Variants in DYM observed in about 807,000 individuals in gnomAD.
DYM encodes dyggve-Melchior-Clausen syndrome protein.
In DYM, 78 loss-of-function variants were observed where a neutral mutation model predicts 93.1. The ratio of observed to expected loss-of-function variants is 0.84; its 90% CI spans 0.70 to 1.01. The LOEUF is 1.01. Ranked by LOEUF, DYM falls within the 50% of genes least tolerant of loss-of-function variation. The pLI is 0.00. For missense variants in DYM, 789 were observed against 845.0 expected (o/e 0.93, Z 0.82); for synonymous variants, 321 against 319.7 (o/e 1.00, Z -0.04).
chr18:49,179,861 G>A (rs916259994), intron 14 of DYM, among the ~76,000 whole-genome samples: 5 of 151,786 alleles, frequency 3.3e-5, no homozygotes, highest in Non-Finnish European at 7.4e-5. Flanking sequence ...TTCCACTTAA[G>A]GCAAAAAAAG....
At chr18:49,340,824 T>C (rs2064057560) in intron 6 of DYM, among the ~76,000 whole-genome samples, 1 of 152,136 alleles carries the variant, frequency 6.6e-6, no homozygotes, top group Admixed American at 6.5e-5. Context: ...TTTAATAAAA[T>C]AAAACTACTA....
chr18:49,393,346 G>C (rs2069628563), intron 2 of DYM, among the ~76,000 whole-genome samples: 1 of 152,162 alleles, frequency 6.6e-6, no homozygotes, highest in Admixed American at 6.5e-5. Flanking sequence ...TGAAGAGATA[G>C]TTGTACACTC....
Position 49,227,411 on chromosome 18 carries a change from T to G in DYM, c.1461-17696A>C, listed in dbSNP as rs2093570470. Among the ~76,000 whole-genome samples, 4 of 152,172 alleles carry G rather than the reference T, an allele frequency of 2.6e-5. No individual in the cohort carries two copies. The South Asian group carries it at 8.3e-4, about 31-fold the overall frequency. Reference sequence around the variant, plus strand: ...AATACACACAAGATAAAATGCTACATAACGGTAAGAGTTTAAAGTCTATTG... The same window carrying G: ...AATACACACAAGATAAAATGCTACAGAACGGTAAGAGTTTAAAGTCTATTG... On this transcript the variant is annotated intron_variant, in intron 13 of 17. Transcript: ENST00000675505.
chr18:49,068,846 T>C (rs1224332868), intron 17 of DYM, among the ~76,000 whole-genome samples: 1 of 152,242 alleles, frequency 6.6e-6, no homozygotes, highest in South Asian at 2.1e-4. Flanking sequence ...GTGTCACTTA[T>C]GGGATTCGGA....
chr18:49,361,953 T>G (rs2066061904), intron 6 of DYM, among the ~76,000 whole-genome samples: 1 of 152,068 alleles, frequency 6.6e-6, no homozygotes, highest in Non-Finnish European at 1.5e-5. Flanking sequence ...CGTGAACTCC[T>G]GACCTCATGA....
intron 13 of DYM, among the ~76,000 whole-genome samples, chr18:49,233,429 T>C (rs1335307287): frequency 2.0e-5 from 3 of 151,836 alleles, no homozygotes; most frequent in Non-Finnish European, 4.4e-5. Context: ...ATTTTTTCAG[T>C]CAGATGAAAT....
chr18:49,151,449 CAAAT>C (rs2085806909), intron 15 of DYM, among the ~76,000 whole-genome samples: 1 of 152,118 alleles, frequency 6.6e-6, no homozygotes, highest in African/African-American at 2.4e-5. Context: ...TAGAGAAACT[CAAAT>C]AAAGTGGCAT....
At chr18:49,325,961 C>A (rs186456999) in intron 8 of DYM, among the ~76,000 whole-genome samples, 33 of 152,280 alleles carry the variant, frequency 2.2e-4, no homozygotes, top group Non-Finnish European at 4.4e-5. Flanking sequence ...ACTGGCTCAA[C>A]CACATGCCAT....
intron 5 of DYM, chr18:49,368,797 A>T (rs2066740445): frequency 6.6e-6 from 1 of 152,254 alleles, no homozygotes; most frequent in Non-Finnish European, 1.5e-5. Context: ...CCAAAGAAAG[A>T]GTTTCAAAAA....
intron 3 of DYM, among the ~76,000 whole-genome samples, chr18:49,391,203 C>A (rs4939867): frequency 0.55 from 82,906 of 152,016 alleles, 24,132 homozygotes; most frequent in Non-Finnish European, 0.65. Context: ...GGATTCCATG[C>A]TCTTTGCCAT....
rs561516061 is a variant in DYM, at chr18:49,107,907, G to A, written c.1912-10392C>T. ...ATTCTCAGATCTCCAGCTGCATGCTGGGAGAACCACTACTCTCTTCAAAGC... is the reference window on the plus strand; with the variant it reads ...ATTCTCAGATCTCCAGCTGCATGCTAGGAGAACCACTACTCTCTTCAAAGC... On this transcript the variant is annotated intron_variant, in intron 16 of 17. Transcript: ENST00000675505. Among the ~76,000 whole-genome samples, 944 of 152,304 alleles carry A rather than the reference G, an allele frequency of 6.2e-3. 5 individuals are homozygous for A. Among genetic ancestry groups the A allele is most frequent in the Non-Finnish European group, 0.011 (731 of 68,028 alleles).
intron 2 of DYM, among the ~76,000 whole-genome samples, chr18:49,427,764 T>A (rs182194130): frequency 6.6e-6 from 1 of 152,138 alleles, no homozygotes; most frequent in African/African-American, 2.4e-5. Context: ...AGTATATCCA[T>A]ACAATGGAGT....
chr18:49,193,926 T>C (rs1295303041), intron 14 of DYM, among the ~76,000 whole-genome samples: 6 of 152,234 alleles, frequency 3.9e-5, no homozygotes, highest in Non-Finnish European at 8.8e-5. Context: ...ACCTTCCTCA[T>C]CACCAATGTG....
chr18:49,134,611 A>T (rs2083663718), intron 15 of DYM, among the ~76,000 whole-genome samples: 1 of 152,214 alleles, frequency 6.6e-6, no homozygotes, highest in African/African-American at 2.4e-5. Flanking sequence ...CAGTTTATTG[A>T]AACAGACAAA....
intron 17 of DYM, among the ~76,000 whole-genome samples, chr18:49,064,946 C>T (rs1456102118): frequency 1.3e-5 from 2 of 151,094 alleles, no homozygotes; most frequent in Admixed American, 6.6e-5. Context: ...ATGTTCTATC[C>T]CCAAGGGTTG....
chr18:49,104,135 G>T (rs1167535402), intron 16 of DYM, among the ~76,000 whole-genome samples: 2 of 152,068 alleles, frequency 1.3e-5, no homozygotes, highest in Non-Finnish European at 2.9e-5. Context: ...CACATCCCTT[G>T]TAAGTTGGAT....
At chr18:49,328,602 A>C (rs2063084331) in intron 8 of DYM, among the ~76,000 whole-genome samples, 1 of 152,214 alleles carries the variant, frequency 6.6e-6, no homozygotes, top group Admixed American at 6.5e-5. Flanking sequence ...AAAATCAAAC[A>C]ACCCCATCAA....
At chr18:49,357,524 G>T (rs1367699080) in intron 6 of DYM, among the ~76,000 whole-genome samples, 3 of 152,098 alleles carry the variant, frequency 2.0e-5, no homozygotes, top group Non-Finnish European at 4.4e-5. Flanking sequence ...AAGACACCCT[G>T]TTGTTACAAT....
intron 8 of DYM, among the ~76,000 whole-genome samples, chr18:49,315,809 T>C (rs555899527): frequency 2.6e-5 from 4 of 152,256 alleles, no homozygotes; most frequent in African/African-American, 7.2e-5. Flanking sequence ...TCTGAAAACA[T>C]CTCAGTGATA....
Sources: gnomAD v4.1 joint callset for allele counts (sites outside exome capture counted in the v4.1 genomes callset) on GRCh38, gnomAD v4.1.1 for gene constraint, MANE v1.5 for transcripts, NCBI Gene and HGNC (gene_info 2026-07-23, HGNC 2026-07-21) for gene names.